The following RGS22 variants were observed in gnomAD, a reference collection of about 807,000 sequenced individuals.
RGS22 encodes regulator of G-protein signaling 22.
RGS22 carries 148 observed loss-of-function variants against 172.9 expected under a neutral mutation model. The observed-to-expected ratio is 0.86, with a 90% CI of 0.75 to 0.98. The LOEUF is 0.98. Among genes scored for constraint, RGS22 ranks in the 50% least tolerant of loss-of-function variants. The pLI, the probability that RGS22 is intolerant of heterozygous loss-of-function variation, is 0.00. For synonymous variants in RGS22, 458 were observed against 480.2 expected (o/e 0.95, Z 0.60); for missense variants, 1,347 against 1,440.8 (o/e 0.93, Z 1.05).
intron 10 of RGS22, among the ~76,000 whole-genome samples, chr8:100,052,147 T>A (rs367769171): frequency 0.053 from 1,183 of 22,312 alleles, 489 homozygotes; most frequent in Non-Finnish European, 0.059. Flanking sequence ...AAACATATAT[T>A]AATATATATA....
intron 4 of RGS22, among the ~76,000 whole-genome samples, chr8:100,074,785 T>G (rs1462506669): frequency 6.6e-6 from 1 of 152,180 alleles, no homozygotes; most frequent in Non-Finnish European, 1.5e-5. Flanking sequence ...TGGTTTTTTT[T>G]GAGATGGAGT....
intron 23 of RGS22, among the ~76,000 whole-genome samples, chr8:99,976,735 A>G (rs1217781009): frequency 6.6e-6 from 1 of 152,202 alleles, no homozygotes; most frequent in Admixed American, 6.5e-5. Context: ...AGGGAGGGTT[A>G]TAGAACTCAG....
At position 100,072,016 on chromosome 8, in the gene RGS22, G is replaced by A. The variant is rs972781870; in HGVS notation, c.425+129C>T. On this transcript the variant is annotated intron_variant, in intron 5 of 27. Transcript: ENST00000360863. ...GTTCGAGACCAGCCTGGGCAATATA[G>A]CAAGACCCTGACTCTACAAAGAATT... The A allele has an allele frequency of 5.0e-6, 3 of 595,476 alleles. No homozygotes were observed. In the African/African-American group the frequency reaches 5.9e-5, roughly 12 times the overall value. 36.9% of individuals were successfully genotyped at this position (595,476 alleles called of 1,614,324 possible). A position where few individuals can be genotyped will look rare whatever the true frequency, so the allele number is the denominator to read the frequency against.
At chr8:99,972,956 C>A (rs1241833435) in intron 23 of RGS22, among the ~76,000 whole-genome samples, 2 of 144,404 alleles carry the variant, frequency 1.4e-5, no homozygotes, top group African/African-American at 5.3e-5. Flanking sequence ...ATGGTGTGAA[C>A]TCGGGAGGCA....
intron 4 of RGS22, among the ~76,000 whole-genome samples, chr8:100,072,915 G>C (rs978548404): frequency 1.2e-4 from 19 of 152,284 alleles, no homozygotes; most frequent in African/African-American, 4.6e-4. Context: ...CACAGGATGA[G>C]AGAGAGAAAG....
At chr8:100,053,469 G>A (rs139951913) in intron 9 of RGS22, among the ~76,000 whole-genome samples, 18 of 94,004 alleles carry the variant, frequency 1.9e-4, no homozygotes, top group Middle Eastern at 5.4e-3. Flanking sequence ...AGAGAGGGAG[G>A]GAGGGAGGGA....
intron 14 of RGS22, among the ~76,000 whole-genome samples, chr8:100,013,335 A>G (rs981550173): frequency 6.6e-6 from 1 of 152,156 alleles, no homozygotes; most frequent in Non-Finnish European, 1.5e-5. Flanking sequence ...AAAGTAGGAA[A>G]GAAGTTGAAA....
At chr8:100,034,122 G>A (rs377686188) in intron 14 of RGS22, among the ~76,000 whole-genome samples, 119 of 152,040 alleles carry the variant, frequency 7.8e-4, no homozygotes, top group African/African-American at 2.2e-3. Context: ...CAGGGCAATC[G>A]GGCAAGAGAA....
At chr8:100,051,112 T>G (rs1422232593) in intron 10 of RGS22, among the ~76,000 whole-genome samples, 1 of 151,822 alleles carries the variant, frequency 6.6e-6, no homozygotes, top group Admixed American at 6.6e-5. Flanking sequence ...AGCAGACACC[T>G]AAAGGAAGTG....
At chr8:100,047,357 T>G in intron 11 of RGS22, 106 bp downstream of exon 11, 1 of 1,002,460 alleles carries the variant, frequency 1.0e-6, no homozygotes. Flanking sequence ...TAAGAACCCA[T>G]GTAAAAATAT....
At chr8:100,059,872 ATT>A (rs1809968975) in intron 9 of RGS22, among the ~76,000 whole-genome samples, 1 of 152,074 alleles carries the variant, frequency 6.6e-6, no homozygotes, top group Non-Finnish European at 1.5e-5. Context: ...TTCTTTTTTA[ATT>A]TTTCTTTATT....
intron 3 of RGS22, 189 bp downstream of exon 3, chr8:100,093,258 A>G: frequency 2.1e-6 from 1 of 484,670 alleles, no homozygotes; most frequent in South Asian, 3.5e-5. Flanking sequence ...TTTCTTCAAT[A>G]AGAATAATTT....
In RGS22 at chr8:99,962,783, A is replaced by G. The variant is rs753211158; in HGVS notation, c.3710-16T>C. 1 of 1,591,654 alleles carries G rather than the reference A, an allele frequency of 6.3e-7. No individual in the cohort carries two copies. Among genetic ancestry groups the G allele is most frequent in the Admixed American group, 1.8e-5 (1 of 54,842 alleles). ...GGTTGCAAGCCTGCACAAAAATAAA[A>G]GAGATAAGAAAAACAGTAAAGTAAA... On this transcript the variant is annotated splice_polypyrimidine_tract_variant and intron_variant, in intron 25 of 27. Transcript: ENST00000360863.
chr8:99,976,176 C>T (rs188693839), intron 23 of RGS22, among the ~76,000 whole-genome samples: 40 of 151,370 alleles, frequency 2.6e-4, no homozygotes, highest in South Asian at 1.0e-3. Context: ...GGTGACACAG[C>T]GAGACTCCAT....
rs1166828212 is a variant in RGS22 at position 100,047,567 on chromosome 8, A to G, written c.1719T>C (p.Pro573=). The change falls in exon 11 of 28, where the codon CCT becomes CCC. Residue 573 remains proline (P), a synonymous_variant. Coordinates refer to ENST00000360863, the MANE Select transcript of RGS22 (RefSeq NM_015668.5). Reference sequence around the variant, plus strand: ...CTTCAGGTGATTTATTGGGAGATTTAGGAGGTTGTGATAAGCTGAATTCTT... The same window carrying G: ...CTTCAGGTGATTTATTGGGAGATTTGGGAGGTTGTGATAAGCTGAATTCTT... ...QKEEFSLSQP[P]KSPNKSPEVK... is the part of the protein sequence containing the mutation. The G allele has an allele frequency of 9.9e-6, 16 of 1,611,364 alleles. No individual in the cohort carries two copies. Among genetic ancestry groups the G allele is most frequent in the African/African-American group, 1.3e-5 (1 of 74,760 alleles).
intron 14 of RGS22, among the ~76,000 whole-genome samples, chr8:100,036,126 A>AAAT (rs112654515): frequency 0.025 from 3,853 of 152,178 alleles, 136 homozygotes; most frequent in East Asian, 0.11. Context: ...AAAAAAGAAA[A>AAAT]AAAATTGAAA....
At chr8:100,009,035 G>A (rs983714210) in intron 14 of RGS22, among the ~76,000 whole-genome samples, 15 of 152,148 alleles carry the variant, frequency 9.9e-5, no homozygotes, top group Non-Finnish European at 4.4e-5. Context: ...GAGCTGCAGA[G>A]TTCTTAAGAC....
chr8:100,052,550 C>G (rs372945383), intron 10 of RGS22, among the ~76,000 whole-genome samples: 1 of 152,016 alleles, frequency 6.6e-6, no homozygotes, highest in Non-Finnish European at 1.5e-5. Flanking sequence ...ATCCGCCTGC[C>G]TCGGCCTCCC....
In RGS22 at chr8:99,982,119, G is replaced by C. The variant is rs1232182149; in HGVS notation, c.3181-3C>G. ...TCACAATGAGAATGGCACAAGTCCT[G>C]AACAGAAGGAAAGATAGAATGGTAT... On this transcript the variant is annotated splice_region_variant and splice_polypyrimidine_tract_variant and intron_variant, in intron 21 of 27. Coordinates refer to ENST00000360863, the MANE Select transcript of RGS22 (RefSeq NM_015668.5). 1 of 1,602,702 alleles carries C rather than the reference G, an allele frequency of 6.2e-7. No homozygotes were observed. Among genetic ancestry groups the C allele is most frequent in the African/African-American group, 1.3e-5 (1 of 74,302 alleles).
Sources: gnomAD v4.1 joint callset for allele counts (sites outside exome capture counted in the v4.1 genomes callset) on GRCh38, gnomAD v4.1.1 for gene constraint, MANE v1.5 for transcripts, NCBI Gene and HGNC (gene_info 2026-07-23, HGNC 2026-07-21) for gene names.